The following ZNF592 variants were observed in gnomAD, a reference collection of about 807,000 sequenced individuals.
ZNF592 encodes zinc finger protein 592.
ZNF592 carries 11 observed loss-of-function variants against 80.3 expected under a neutral mutation model. The observed-to-expected ratio is 0.14, with a 90% CI of 0.09 to 0.23. The LOEUF is 0.23. ZNF592 is among the 10% of genes least tolerant of loss of function. The pLI is 1.00. For synonymous variants in ZNF592, 646 were observed against 640.3 expected, an observed-to-expected ratio of 1.01 and a Z score of -0.13; for missense variants, 1,420 against 1,633.9, an observed-to-expected ratio of 0.87 and a Z score of 2.26.
At chr15:84,765,000 G>A (rs1459706542) in intron 2 of ZNF592, among the ~76,000 whole-genome samples, 185 bp downstream of exon 2, 1 of 151,864 alleles carries the variant, frequency 6.6e-6, no homozygotes, top group East Asian at 1.9e-4. Flanking sequence ...AGTTGTACAA[G>A]CATCACCACT....
rs2141986686 is a variant in ZNF592 at position 84,783,951 on chromosome 15, G to A, written c.1276G>A (p.Val426Met). 6.2e-7 allele frequency: 1 copy of A among 1,613,920 alleles called. No individual in the cohort carries two copies. The highest frequency in any genetic ancestry group is 8.5e-7 in the Non-Finnish European group (1 of 1,179,768). ...CCCCAGCGAGATGCCAGGGGATGAG[G>A]TGCCTGTGGAAGAGCACTTTCCTGA... The part of the protein sequence containing the change: ...EAPSEMPGDE[V>M]PVEEHFPEAG... The change falls in exon 4 of 11, where the codon GTG (valine) becomes ATG (methionine). Residue 426 changes from valine to methionine, a missense_variant. Val to Met is a conservative substitution (Grantham distance 21). This residue lies in a region of ZNF592 where 524 missense variants were observed against 628.3 expected (regional missense o/e 0.83). Coordinates refer to ENST00000560079, the MANE Select transcript of ZNF592 (RefSeq NM_014630.3). This position sits in a 1 kb window ranked among gnomAD's most constrained non-coding sequence, Gnocchi z 5.0.
At chr15:84,777,059 A>C (rs571509128) in intron 2 of ZNF592, among the ~76,000 whole-genome samples, 2 of 152,016 alleles carry the variant, frequency 1.3e-5, no homozygotes, top group Admixed American at 1.3e-4. Context: ...AAGAAAGAAA[A>C]GAATGTTATA....
intron 4 of ZNF592, among the ~76,000 whole-genome samples, chr15:84,785,850 T>A (rs1962572492): frequency 6.7e-6 from 1 of 150,328 alleles, no homozygotes; most frequent in Admixed American, 6.7e-5. Context: ...TTGGTTATGC[T>A]TGATGAGATT....
At position 84,775,965 on chromosome 15, in the gene ZNF592, T is replaced by C. The variant is rs145143864; in HGVS notation, c.-149-2218T>C. Among the ~76,000 whole-genome samples the C allele has an allele frequency of 4.1e-3, 627 of 152,384 alleles. 6 individuals are homozygous for C. Among genetic ancestry groups the C allele is most frequent in the Non-Finnish European group, 7.1e-3 (481 of 68,040 alleles). On this transcript the variant is annotated intron_variant, in intron 2 of 10. Transcript: ENST00000560079. ...TAGAAACTTATTCTGAGAGAGGGTA[T>C]AGTTGTCAATCTGCCAGTCTTAGAG...
At chr15:84,759,276 T>C (rs1899273249) in intron 1 of ZNF592, among the ~76,000 whole-genome samples, 1 of 152,178 alleles carries the variant, frequency 6.6e-6, no homozygotes, top group South Asian at 2.1e-4. Flanking sequence ...AAGGGGGCTT[T>C]TCTTTCTGAG....
Position 84,784,566 on chromosome 15 carries a change from A to C in ZNF592, c.1891A>C (p.Ser631Arg). Residue 631 changes from serine (S) to arginine (R), a missense_variant, in exon 4 of 11, where the codon AGC becomes CGC. Around this residue, in one of 7 missense-constraint regions of ZNF592, gnomAD observed 524 missense variants for 628.3 expected, o/e 0.83. Transcript: ENST00000560079. The surrounding 1 kb of genome is among the most constrained non-coding windows in gnomAD (Gnocchi z 5.8). ...SKTLLFFNKC[S>R]LLRHARDHKS... ...GACGCTGCTCTTCTTCAACAAGTGC[A>C]GCCTGCTCCGGCACGCCCGTGACCA... The C allele has an allele frequency of 6.2e-7, 1 of 1,614,226 alleles. No individual in the cohort carries two copies. Among genetic ancestry groups the C allele is most frequent in the Non-Finnish European group, 8.5e-7 (1 of 1,180,038 alleles).
At chr15:84,771,396 G>T (rs1899696904) in intron 2 of ZNF592, among the ~76,000 whole-genome samples, 1 of 152,090 alleles carries the variant, frequency 6.6e-6, no homozygotes, top group African/African-American at 2.4e-5. Flanking sequence ...GTGGGTTGGG[G>T]TATCAGGTAT....
chr15:84,751,311 A>T (rs1899006728), intron 1 of ZNF592, among the ~76,000 whole-genome samples: 1 of 152,374 alleles, frequency 6.6e-6, no homozygotes, highest in African/African-American at 2.4e-5. Context: ...GGGATAGATG[A>T]CTTATTCAAA....
chr15:84,782,823 G>A lies in ZNF592; in HGVS notation c.148G>A (p.Glu50Lys). 1 of 1,614,142 alleles carries A rather than the reference G, an allele frequency of 6.2e-7. No homozygotes were observed. The highest frequency in any genetic ancestry group is 8.5e-7 in the Non-Finnish European group (1 of 1,180,028). ...PLKPPGICMD[E>K]SVSLSHSGSA... The stretch of plus-strand genomic sequence containing the variant: ...CAAACCTCCAGGCATATGTATGGAT[G>A]AAAGTGTGTCCTTGTCTCACTCAGG... The change falls in exon 4 of 11, where the codon GAA (glutamate) becomes AAA (lysine). Residue 50 changes from glutamate to lysine, a missense_variant. By Grantham distance (56) the Glu-to-Lys change is moderately conservative (BLOSUM62 1). Around this residue, in one of 7 missense-constraint regions of ZNF592, gnomAD observed 373 missense variants for 355.5 expected, o/e 1.05. Transcript: ENST00000560079.
chr15:84,765,841 T>C (rs577067288), intron 2 of ZNF592, among the ~76,000 whole-genome samples: 4 of 152,116 alleles, frequency 2.6e-5, no homozygotes, highest in African/African-American at 9.6e-5. Context: ...CAGACTTGTT[T>C]TGTTTTTAAA....
At chr15:84,786,190 A>C (rs12906348) in intron 4 of ZNF592, among the ~76,000 whole-genome samples, 30,268 of 152,148 alleles carry the variant, frequency 0.2, 3,684 homozygotes, top group Middle Eastern at 0.36. Flanking sequence ...AAGGGAGTCT[A>C]ACCTTCAGGA....
chr15:84,793,768 G>T (rs187141445), intron 5 of ZNF592, among the ~76,000 whole-genome samples: 1 of 152,188 alleles, frequency 6.6e-6, no homozygotes, highest in Non-Finnish European at 1.5e-5. Flanking sequence ...CATATAAGTG[G>T]AATTATGTAA....
At chr15:84,770,822 G>A (rs1182092725) in intron 2 of ZNF592, among the ~76,000 whole-genome samples, 3 of 152,080 alleles carry the variant, frequency 2.0e-5, no homozygotes, top group African/African-American at 4.8e-5. Context: ...GTCCAGCAGC[G>A]GCCTTCAGAC....
At chr15:84,765,913 C>CA in intron 2 of ZNF592, among the ~76,000 whole-genome samples, 1 of 151,820 alleles carries the variant, frequency 6.6e-6, no homozygotes, top group African/African-American at 2.4e-5. Flanking sequence ...AGGGGTGGGT[C>CA]CCTATTGTGT....
chr15:84,798,660 C>T lies in ZNF592; in HGVS notation c.2809C>T (p.Arg937Cys), dbSNP rs145494146. 5.1e-4 allele frequency: 822 copies of T among 1,613,778 alleles called. No homozygotes were observed. Among genetic ancestry groups the T allele is most frequent in the Non-Finnish European group, 6.1e-4 (720 of 1,180,040 alleles). The stretch of plus-strand genomic sequence containing the variant: ...GTCTTCAGCGGACACATCCTCAAGC[C>T]GCCCTGGCTCTCGAGTTCCCACTGA... The part of the protein sequence containing the change: ...LQSSADTSSS[R>C]PGSRVPTEPP... The change falls in exon 8 of 11, where the codon CGC becomes TGC. Residue 937 changes from arginine to cysteine, a missense_variant. Physicochemically the swap from Arg to Cys is radical, Grantham distance 180. Around this residue, in one of 7 missense-constraint regions of ZNF592, gnomAD observed 331 missense variants for 347.0 expected, o/e 0.95. Transcript: ENST00000560079. This position sits in a 1 kb window ranked among gnomAD's most constrained non-coding sequence, Gnocchi z 4.5.
chr15:84,783,960 G>A lies in ZNF592; in HGVS notation c.1285G>A (p.Glu429Lys). 6.2e-7 allele frequency: 1 copy of A among 1,613,624 alleles called. No homozygotes were observed. Among genetic ancestry groups the A allele is most frequent in the Non-Finnish European group, 8.5e-7 (1 of 1,179,532 alleles). The change falls in exon 4 of 11, where the codon GAA becomes AAA. Residue 429 changes from glutamate (E) to lysine (K), a missense_variant. Coordinates refer to ENST00000560079, the MANE Select transcript of ZNF592 (RefSeq NM_014630.3). This position sits in a 1 kb window ranked among gnomAD's most constrained non-coding sequence, Gnocchi z 5.0. ...SEMPGDEVPVEEHFPEAGTNS... is the reference protein window; with the variant it reads ...SEMPGDEVPVKEHFPEAGTNS... ...GATGCCAGGGGATGAGGTGCCTGTG[G>A]AAGAGCACTTTCCTGAGGCAGGCAC...
At chr15:84,789,310 A>G (rs1263777930) in intron 4 of ZNF592, among the ~76,000 whole-genome samples, 2 of 151,466 alleles carry the variant, frequency 1.3e-5, no homozygotes, top group African/African-American at 2.4e-5. Context: ...TACATACCAC[A>G]TTTTATTTAT....
chr15:84,768,971 C>A lies in ZNF592; in HGVS notation c.-150+4156C>A, dbSNP rs140755106. 4.6e-3 allele frequency among the ~76,000 whole-genome samples: 698 copies of A among 152,188 alleles called. 7 individuals carry two copies. Among genetic ancestry groups the A allele is most frequent in the African/African-American group, 0.012 (497 of 41,512 alleles). ...TTTATTTTTTTTTGAGACATGGTGT[C>A]CATCTGTTGCCCAGACTGGAGTGCA... On this transcript the variant is annotated intron_variant, in intron 2 of 10. Coordinates refer to ENST00000560079, the MANE Select transcript of ZNF592 (RefSeq NM_014630.3).
intron 1 of ZNF592, among the ~76,000 whole-genome samples, chr15:84,751,667 C>T (rs1899019164): frequency 6.6e-6 from 1 of 151,202 alleles, no homozygotes; most frequent in African/African-American, 2.4e-5. Flanking sequence ...CACTGTGGGA[C>T]ACTGAGGCGG....
Sources: gnomAD v4.1 joint callset for allele counts (sites outside exome capture counted in the v4.1 genomes callset) on GRCh38, gnomAD v4.1.1 for gene constraint, gnomAD v4.1.1 regional missense constraint, Gnocchi (gnomAD v3.1) non-coding constraint, MANE v1.5 for transcripts, NCBI Gene and HGNC (gene_info 2026-07-23, HGNC 2026-07-21) for gene names.